The following FAT1 variants were observed in gnomAD, a reference collection of about 807,000 sequenced individuals.
The protein encoded by FAT1 is protocadherin Fat 1.
In FAT1, 171 loss-of-function variants were observed where a neutral mutation model predicts 329.8. The observed-to-expected ratio is 0.52, with a 90% CI of 0.46 to 0.59. The LOEUF (loss-of-function observed/expected upper bound fraction) is 0.59. Ranked by LOEUF, FAT1 falls within the 20% of genes least tolerant of loss-of-function variation. The probability of loss-of-function intolerance (pLI) is 0.00; values close to 1 mark genes in which losing one functional copy is unlikely to be tolerated. For missense variants in FAT1, 5,672 were observed against 5,774.4 expected (o/e 0.98, Z 0.57); for synonymous variants, 2,233 against 2,228.6 (o/e 1.00, Z -0.06).
At chr4:186,632,324 A>G (rs955139384) in intron 7 of FAT1, among the ~76,000 whole-genome samples, 1 of 152,182 alleles carries the variant, frequency 6.6e-6, no homozygotes, top group Non-Finnish European at 1.5e-5. Context: ...ACTGTTTATG[A>G]AGCTCCTTTT....
intron 26 of FAT1, among the ~76,000 whole-genome samples, chr4:186,594,852 C>T (rs1738426386): frequency 6.6e-6 from 1 of 150,906 alleles, no homozygotes; most frequent in Non-Finnish European, 1.5e-5. Context: ...GTTACCTTTT[C>T]CCACCAATAA....
intron 3 of FAT1, among the ~76,000 whole-genome samples, chr4:186,662,974 C>T (rs1446790340): frequency 6.6e-6 from 1 of 152,010 alleles, no homozygotes; most frequent in Non-Finnish European, 1.5e-5. Flanking sequence ...GTAGCTGGGA[C>T]TACAGGCGCC....
Position 186,708,870 on chromosome 4 carries a change from T to A in FAT1, c.958A>T (p.Ile320Phe). The change falls in exon 2 of 27, where the codon ATC becomes TTC. Residue 320 changes from isoleucine (I) to phenylalanine (F), a missense_variant. By Grantham distance (21) the Ile-to-Phe change is conservative. Coordinates refer to ENST00000441802, the MANE Select transcript of FAT1 (RefSeq NM_005245.4). ...PGSKEYKVKA[I>F]GGIDWDSHPF... ...TGACTGTCCCAATCAATGCCACCGATGGCTTTGACTTTATACTCCTTACTC... is the reference window on the plus strand; with the variant it reads ...TGACTGTCCCAATCAATGCCACCGAAGGCTTTGACTTTATACTCCTTACTC... The A allele has an allele frequency of 6.2e-7, 1 of 1,613,986 alleles. No individual in the cohort carries two copies. The highest frequency in any genetic ancestry group is 8.5e-7 in the Non-Finnish European group (1 of 1,179,894).
intron 2 of FAT1, among the ~76,000 whole-genome samples, chr4:186,700,200 G>A (rs1311789338): frequency 6.6e-6 from 1 of 152,208 alleles, no homozygotes; most frequent in Non-Finnish European, 1.5e-5. Context: ...AGGCCTGAAA[G>A]CTGGGACCTA....
chr4:186,618,973 T>C lies in FAT1; in HGVS notation c.7613A>G (p.Asp2538Gly), dbSNP rs1248041572. Residue 2538 changes from aspartate (D) to glycine (G), a missense_variant, in exon 10 of 27, where the codon GAC becomes GGC. Physicochemically the swap from Asp to Gly is moderately conservative, Grantham distance 94. Transcript: ENST00000441802. ...TYHIVNDFAK[D>G]RFYINERGQI... ...TCCTCTCTCATTTATGTAAAATCTGTCTTTGGCAAAGTCATTTACAATATG... is the reference window on the plus strand; with the variant it reads ...TCCTCTCTCATTTATGTAAAATCTGCCTTTGGCAAAGTCATTTACAATATG... 1 of 1,613,996 alleles carries C rather than the reference T, an allele frequency of 6.2e-7. No individual in the cohort carries two copies. Among genetic ancestry groups the C allele is most frequent in the South Asian group, 1.1e-5 (1 of 91,076 alleles).
intron 1 of FAT1, among the ~76,000 whole-genome samples, chr4:186,717,354 T>C (rs143362008): frequency 9.2e-5 from 14 of 152,332 alleles, no homozygotes; most frequent in Non-Finnish European, 1.3e-4. Context: ...GCAGCAGCCT[T>C]AGGCTTGGTA....
chr4:186,668,047 G>C (rs1742538077), intron 2 of FAT1, among the ~76,000 whole-genome samples: 1 of 152,184 alleles, frequency 6.6e-6, no homozygotes, highest in African/African-American at 2.4e-5. Flanking sequence ...ATGCATGCAG[G>C]ACAACAGACG....
chr4:186,648,759 A>ACCCCCC (rs1741495561), intron 3 of FAT1, among the ~76,000 whole-genome samples: 1 of 151,466 alleles, frequency 6.6e-6, no homozygotes, highest in South Asian at 2.1e-4. Flanking sequence ...GTGAATGCCA[A>ACCCCCC]CCCCCCTTCT....
At chr4:186,635,959 C>A in intron 6 of FAT1, 66 bp downstream of exon 6, 1 of 1,409,212 alleles carries the variant, frequency 7.1e-7, no homozygotes, top group Non-Finnish European at 9.9e-7. Flanking sequence ...CAAAACTCAT[C>A]AAACCGTATG....
rs761135950 is a variant in FAT1 at position 186,613,174 on chromosome 4, G to T, written c.9398C>A (p.Thr3133Asn). 3 of 1,613,848 alleles carry T rather than the reference G, an allele frequency of 1.9e-6. No individual in the cohort carries two copies. The Admixed American group carries it at 5.0e-5, about 27-fold the overall frequency. The change falls in exon 13 of 27, where the codon ACC becomes AAC. Residue 3133 changes from threonine to asparagine, a missense_variant. Around this residue, in one of 2 missense-constraint regions of FAT1, gnomAD observed 3,966 missense variants for 3,915.2 expected, o/e 1.01. Coordinates refer to ENST00000441802, the MANE Select transcript of FAT1 (RefSeq NM_005245.4). ...PEFSADPYAI[T>N]VFENTEPGTL... ...TCCCGGCTCTGTGTTTTCAAACACG[G>T]TGATGGCATAAGGATCGGCAGAGAA...
At chr4:186,709,923 A>C in intron 1 of FAT1, 78 bp from the exon 2 acceptor site, 4 of 1,307,258 alleles carry the variant, frequency 3.1e-6, no homozygotes, top group Non-Finnish European at 4.1e-6. Flanking sequence ...TAAACTTCTC[A>C]TTAAAAAAAT....
In FAT1 at chr4:186,601,489, G is replaced by A. The variant is rs558528904; in HGVS notation, c.11483-63C>T. 3.7e-5 allele frequency: 53 copies of A among 1,439,150 alleles called. No homozygotes were observed. The African/African-American group carries it at 6.0e-4, about 16-fold the overall frequency. The allele number at this position is 1,439,150 out of a possible 1,614,324, so 89.1% of individuals were successfully genotyped here. ...AGTTTAAGCATATTTTTTAAAGTAT[G>A]ACTCCCCTGCACCCCTTGAGACTGA... On this transcript the variant is annotated intron_variant, in intron 20 of 26. Coordinates refer to ENST00000441802, the MANE Select transcript of FAT1 (RefSeq NM_005245.4).
chr4:186,689,810 C>T (rs1044126654), intron 2 of FAT1, among the ~76,000 whole-genome samples: 6 of 152,212 alleles, frequency 3.9e-5, no homozygotes, highest in Non-Finnish European at 7.3e-5. Flanking sequence ...ACTCCGCACA[C>T]CACCTCACCT....
chr4:186,649,071 G>C (rs1166855979), intron 3 of FAT1, among the ~76,000 whole-genome samples: 1 of 152,000 alleles, frequency 6.6e-6, no homozygotes, highest in Non-Finnish European at 1.5e-5. Context: ...TCTCAAGTAT[G>C]GTTCTTAAGT....
intron 2 of FAT1, 85 bp downstream of exon 2, chr4:186,706,478 T>C: frequency 7.0e-7 from 1 of 1,424,460 alleles, no homozygotes; most frequent in Non-Finnish European, 9.4e-7. Flanking sequence ...CAGGGAATTT[T>C]GAAGAAGCTG....
At chr4:186,716,941 GA>G (rs1318941800) in intron 1 of FAT1, among the ~76,000 whole-genome samples, 1 of 151,992 alleles carries the variant, frequency 6.6e-6, no homozygotes, top group Admixed American at 6.6e-5. Flanking sequence ...GCACCACCAT[GA>G]CCAGCTAACT....
intron 2 of FAT1, among the ~76,000 whole-genome samples, chr4:186,673,104 C>G (rs1175175002): frequency 6.6e-6 from 1 of 152,112 alleles, no homozygotes; most frequent in Non-Finnish European, 1.5e-5. Context: ...AAATATGATG[C>G]TACTGCTGTT....
Position 186,695,248 on chromosome 4 carries a change from A to G in FAT1, c.3265+11315T>C, listed in dbSNP as rs891146573. Among the ~76,000 whole-genome samples, 4 of 152,304 alleles carry G rather than the reference A, an allele frequency of 2.6e-5. No individual in the cohort carries two copies. In the East Asian group the frequency reaches 7.7e-4, roughly 29 times the overall value. On this transcript the variant is annotated intron_variant, in intron 2 of 26. Coordinates refer to ENST00000441802, the MANE Select transcript of FAT1 (RefSeq NM_005245.4). ...AAAGAAATACTTTTCAATCCAGAGG[A>G]TGATACAGGCAATAGCACTACTCTA...
At chr4:186,654,861 A>G (rs539354494) in intron 3 of FAT1, among the ~76,000 whole-genome samples, 1 of 151,676 alleles carries the variant, frequency 6.6e-6, no homozygotes, top group African/African-American at 2.4e-5. Context: ...GTGAGCCAAG[A>G]TGGCATCTCT....
Sources: allele counts gnomAD v4.1 joint callset (sites outside exome capture counted in the v4.1 genomes callset), GRCh38; gene constraint gnomAD v4.1.1; regional missense constraint gnomAD v4.1.1; transcripts MANE v1.5; gene names NCBI Gene and HGNC (gene_info 2026-07-23, HGNC 2026-07-21).